Variants in MB observed in about 807,000 individuals in gnomAD.
MB encodes myoglobin.
Under a neutral mutation model 14.5 loss-of-function variants are expected in MB, and 10 were observed. The observed-to-expected ratio is 0.69, with a 90% confidence interval of 0.43 to 1.17. The LOEUF is 1.17. Among genes scored for constraint, MB ranks in the 50% most tolerant of loss-of-function variants. MB has a pLI of 0.00. For missense variants in MB, 169 were observed against 192.7 expected, an observed-to-expected ratio of 0.88 and a Z score of 0.73; for synonymous variants, 89 against 78.6, an observed-to-expected ratio of 1.13 and a Z score of -0.70.
Position 35,611,330 on chromosome 22 carries a change from T to C in MB, c.96-224A>G, listed in dbSNP as rs1167034966. 2.6e-5 allele frequency among the ~76,000 whole-genome samples: 4 copies of C among 152,302 alleles called. No individual in the cohort carries two copies. The East Asian group carries it at 5.8e-4, about 22-fold the overall frequency. On this transcript the variant is annotated intron_variant, in intron 1 of 2. Transcript: ENST00000397326. ...GTGTGTGCTATGTACCAACAGGGTG[T>C]CTGGCACATAGTGAGTGTCATATAA...
In MB at chr22:35,607,436, G is replaced by A. The variant is rs147419024; in HGVS notation, c.326C>T (p.Ser109Leu). 1.8e-5 allele frequency: 29 copies of A among 1,613,760 alleles called. No individual in the cohort carries two copies. Among genetic ancestry groups the A allele is most frequent in the East Asian group, 8.9e-5 (4 of 44,892 alleles). The change falls in exon 3 of 3, where the codon TCG (serine) becomes TTG (leucine). Residue 109 changes from serine (S) to leucine (L), a missense_variant. Transcript: ENST00000397326. ...KIPVKYLEFI[S>L]ECIIQVLQSK... ...CTGCAGAACCTGGATGATGCATTCC[G>A]AGATGAACTGCAGGGAGGGTGAGGA...
intron 2 of MB, 65 bp from the exon 3 acceptor site, chr22:35,607,508 T>C (rs1286351265): frequency 6.7e-7 from 1 of 1,492,116 alleles, no homozygotes; most frequent in East Asian, 2.3e-5. Flanking sequence ...CAGATGGGAG[T>C]CAGTTGTCCT....
upstream of MB, among the ~76,000 whole-genome samples, chr22:35,621,124 T>C (rs1473791096): frequency 6.6e-6 from 1 of 152,194 alleles, no homozygotes; most frequent in Non-Finnish European, 1.5e-5. Context: ...GCCTTCATTA[T>C]GGCCAGGGCA....
intron 2 of MB, among the ~76,000 whole-genome samples, chr22:35,609,989 C>T (rs1390188005): frequency 6.6e-6 from 1 of 152,178 alleles, no homozygotes; most frequent in Non-Finnish European, 1.5e-5. Context: ...GTCATTTTGG[C>T]CATGAGGCAA....
intron 2 of MB, among the ~76,000 whole-genome samples, chr22:35,609,359 G>A (rs1211916660): frequency 6.6e-6 from 1 of 152,216 alleles, no homozygotes; most frequent in Non-Finnish European, 1.5e-5. Flanking sequence ...AGGGGAGATG[G>A]CTTCGCACTG....
At chr22:35,612,539 G>A (rs1922712929) in intron 1 of MB, among the ~76,000 whole-genome samples, 1 of 152,156 alleles carries the variant, frequency 6.6e-6, no homozygotes, top group African/African-American at 2.4e-5. Context: ...AGGCAGGATG[G>A]TCTCGATCTC....
chr22:35,610,601 T>C lies in MB; in HGVS notation c.318+283A>G, dbSNP rs541261706. Among the ~76,000 whole-genome samples the C allele has an allele frequency of 7.9e-5, 12 of 152,288 alleles. No homozygotes were observed. In the East Asian group the frequency reaches 2.1e-3, roughly 27 times the overall value. On this transcript the variant is annotated intron_variant, in intron 2 of 2. Transcript: ENST00000397326. Reference sequence around the variant, plus strand: ...TAATGGTACCTACCCATGGAGAGGATGCAAATTTTGCACCCAATATCCCCT... The same window carrying C: ...TAATGGTACCTACCCATGGAGAGGACGCAAATTTTGCACCCAATATCCCCT...
At position 35,608,955 on chromosome 22, in the gene MB, C is replaced by CGTGAGGG. The variant is rs1260527543; in HGVS notation, c.319-1519_319-1513dup. Among the ~76,000 whole-genome samples, 1 of 152,150 alleles carries CGTGAGGG rather than the reference C, an allele frequency of 6.6e-6. No individual in the cohort carries two copies. The highest frequency in any genetic ancestry group is 1.5e-5 in the Non-Finnish European group (1 of 68,024). On this transcript the variant is annotated intron_variant, in intron 2 of 2. Transcript: ENST00000397326. The surrounding 1 kb of genome is among the most constrained non-coding windows in gnomAD (Gnocchi z 4.3). ...TGAACAGCGCAGAGCGAAGGTCCAC[C>CGTGAGGG]GTGAGGGGGAAAAGCAGACATCTGG...
chr22:35,611,037 C>T lies in MB; in HGVS notation c.165G>A (p.Glu55=), dbSNP rs1922580202. The part of the protein sequence containing the change: ...DKFKHLKSED[E]MKASEDLKKH... ...TCTTTAAGTCCTCAGACGCCTTCAT[C>T]TCGTCCTCTGACTTCAGGTGCTTGA... is the stretch of plus-strand genomic sequence containing the variant. The change falls in exon 2 of 3, where the codon GAG becomes GAA. Residue 55 remains glutamate (E), a synonymous_variant. Coordinates refer to ENST00000397326, the MANE Select transcript of MB (RefSeq NM_005368.3). 6.2e-7 allele frequency: 1 copy of T among 1,614,160 alleles called. No individual in the cohort carries two copies. The highest frequency in any genetic ancestry group is 8.5e-7 in the Non-Finnish European group (1 of 1,180,024).
chr22:35,613,345 C>G (rs1922797814), intron 1 of MB, among the ~76,000 whole-genome samples: 1 of 152,206 alleles, frequency 6.6e-6, no homozygotes, highest in Non-Finnish European at 1.5e-5. Context: ...GAGTTCCGGT[C>G]CCAGTTCTGG....
chr22:35,607,526 T>A (rs1922247279), intron 2 of MB, 83 bp from the exon 3 acceptor site: 1 of 1,381,688 alleles, frequency 7.2e-7, no homozygotes, highest in Non-Finnish European at 1.0e-6. Flanking sequence ...CCTCCTACCT[T>A]CTCTTTATTC....
chr22:35,612,894 A>G (rs1922748901), intron 1 of MB, among the ~76,000 whole-genome samples: 1 of 152,160 alleles, frequency 6.6e-6, no homozygotes, highest in African/African-American at 2.4e-5. Flanking sequence ...ACAGAGGTAC[A>G]CATAAATATA....
chr22:35,617,325 G>A lies in MB; in HGVS notation c.-68C>T. 6.1e-6 allele frequency: 8 copies of A among 1,302,820 alleles called. No homozygotes were observed. The highest frequency in any genetic ancestry group is 7.8e-6 in the Non-Finnish European group (7 of 901,706). The allele number at this position is 1,302,820 out of a possible 1,614,324, so 80.7% of individuals were successfully genotyped here. A position where few individuals can be genotyped will look rare whatever the true frequency, so the allele number is the denominator to read the frequency against. ...TGGGTGTCCTGGCCCCAACAGCTGG[G>A]GTTTGAGGCTGCCTGGTCCCAAGGG... On this transcript the variant is annotated 5_prime_UTR_variant, in exon 1 of 3. Coordinates refer to ENST00000397326, the MANE Select transcript of MB (RefSeq NM_005368.3).
Position 35,617,218 on chromosome 22 carries a change from C to A in MB, c.40G>T (p.Val14Phe). Residue 14 changes from valine (V) to phenylalanine (F), a missense_variant, in exon 1 of 3, where the codon GTC becomes TTC. Coordinates refer to ENST00000397326, the MANE Select transcript of MB (RefSeq NM_005368.3). ...ATGTCAGCCTCCACCTTCCCCCAGA[C>A]GTTCAGCACCAACTGCCATTCCCCG... ...SDGEWQLVLN[V>F]WGKVEADIPG... 1 of 1,614,204 alleles carries A rather than the reference C, an allele frequency of 6.2e-7. No homozygotes were observed.
At chr22:35,619,111 G>T (rs1430771148), upstream of MB, among the ~76,000 whole-genome samples, 1 of 152,194 alleles carries the variant, frequency 6.6e-6, no homozygotes, top group African/African-American at 2.4e-5. Context: ...CCTACTGTGT[G>T]TCAGACACTG....
chr22:35,622,064 G>A (rs1408967091), upstream of MB: 2 of 152,250 alleles, frequency 1.3e-5, no homozygotes, highest in South Asian at 2.1e-4. Flanking sequence ...GCTAGCCCTT[G>A]GACAGCTGAC....
chr22:35,621,180 G>A (rs1277055302), upstream of MB, among the ~76,000 whole-genome samples: 1 of 152,164 alleles, frequency 6.6e-6, no homozygotes, highest in Admixed American at 6.6e-5. Context: ...GCCTTTGTGT[G>A]CAAAACTTTC....
chr22:35,616,362 T>C (rs901518271), intron 1 of MB, among the ~76,000 whole-genome samples: 6 of 152,178 alleles, frequency 3.9e-5, no homozygotes, highest in African/African-American at 1.4e-4. Flanking sequence ...TGGAATCCCT[T>C]GTGGTAGAAG....
At chr22:35,617,379 A>AC, upstream of MB, 1 of 671,284 alleles carries the variant, frequency 1.5e-6, no homozygotes. Flanking sequence ...GATGCTTGAC[A>AC]AAGATCGCTC....
Sources: allele counts gnomAD v4.1 joint callset (sites outside exome capture counted in the v4.1 genomes callset), GRCh38; gene constraint gnomAD v4.1.1; non-coding constraint Gnocchi (gnomAD v3.1); transcripts MANE v1.5; gene names NCBI Gene and HGNC (gene_info 2026-07-23, HGNC 2026-07-21).